WWOX: variants seen among roughly 807,000 people sequenced by gnomAD.
WWOX encodes the protein WW domain-containing oxidoreductase.
Under a neutral mutation model 46.2 loss-of-function variants are expected in WWOX, and 69 were observed. That is an observed-to-expected ratio of 1.49 (90% CI 1.23 to 1.82). The LOEUF (loss-of-function observed/expected upper bound fraction) is 1.82. Ranked by LOEUF, WWOX falls within the 40% of genes most tolerant of loss-of-function variation. WWOX has a pLI of 0.00. For synonymous variants in WWOX, 359 were observed against 202.6 expected (o/e 1.77, Z -6.56); for missense variants, 919 against 542.6 (o/e 1.69, Z -6.89).
chr16:78,488,550 T>A (rs1304428540), intron 8 of WWOX, among the ~76,000 whole-genome samples: 13 of 152,136 alleles, frequency 8.5e-5, no homozygotes, highest in Non-Finnish European at 1.5e-5. Flanking sequence ...ACTGACTGCT[T>A]TTTGGCCCTA....
chr16:78,939,057 C>T (rs1035298659), intron 8 of WWOX, among the ~76,000 whole-genome samples: 1 of 152,204 alleles, frequency 6.6e-6, no homozygotes, highest in African/African-American at 2.4e-5. Flanking sequence ...AATGGAATTT[C>T]TAAATGGAGT....
intron 8 of WWOX, among the ~76,000 whole-genome samples, chr16:78,562,659 G>C (rs1430740771): frequency 6.6e-6 from 1 of 152,138 alleles, no homozygotes; most frequent in Non-Finnish European, 1.5e-5. Context: ...GCTCACACTC[G>C]GTCAATACTT....
chr16:78,182,306 A>C (rs2035555369), intron 5 of WWOX, among the ~76,000 whole-genome samples: 2 of 152,118 alleles, frequency 1.3e-5, no homozygotes, highest in African/African-American at 4.8e-5. Flanking sequence ...GGCAAAGAAA[A>C]GAAAAGAAAT....
At chr16:78,394,162 T>G (rs2082237741) in intron 6 of WWOX, among the ~76,000 whole-genome samples, 2 of 152,176 alleles carry the variant, frequency 1.3e-5, no homozygotes, top group South Asian at 4.1e-4. Context: ...GTTTTAAGAA[T>G]AATGTTTTAG....
chr16:78,438,215 C>A (rs180671284), intron 8 of WWOX, among the ~76,000 whole-genome samples: 1 of 152,252 alleles, frequency 6.6e-6, no homozygotes, highest in East Asian at 1.9e-4. Context: ...ATTCCAAGTT[C>A]TACAATCTTA....
intron 8 of WWOX, among the ~76,000 whole-genome samples, chr16:78,920,879 C>G (rs1056939493): frequency 6.6e-6 from 1 of 152,174 alleles, no homozygotes. Context: ...GCTCGATGAG[C>G]AAATGATTCC....
intron 8 of WWOX, chr16:79,077,877 C>T (rs1232255746): frequency 6.6e-6 from 1 of 152,164 alleles, no homozygotes; most frequent in Non-Finnish European, 1.5e-5. Context: ...CATCGTTCTT[C>T]TTACTCAACT....
intron 8 of WWOX, among the ~76,000 whole-genome samples, chr16:79,091,779 GTT>G (rs11329411): frequency 2.3e-4 from 25 of 109,136 alleles, no homozygotes; most frequent in South Asian, 3.3e-4. Flanking sequence ...TCTTTTCTTT[GTT>G]TTTTTTTTTT....
intron 5 of WWOX, among the ~76,000 whole-genome samples, chr16:78,175,983 C>A (rs537599861): frequency 2.0e-5 from 3 of 152,126 alleles, no homozygotes; most frequent in Non-Finnish European, 4.4e-5. Flanking sequence ...TGTTTGACCT[C>A]TCTCCAACAC....
chr16:78,432,407 T>G (rs990907325), intron 7 of WWOX, 81 bp from the exon 8 acceptor site: 14 of 1,572,782 alleles, frequency 8.9e-6, no homozygotes, highest in Admixed American at 1.7e-5. Flanking sequence ...CACCCAGCAT[T>G]CCTTAGATTT....
intron 8 of WWOX, among the ~76,000 whole-genome samples, chr16:79,187,605 C>T (rs552528082): frequency 3.9e-5 from 6 of 152,334 alleles, no homozygotes; most frequent in African/African-American, 1.4e-4. Context: ...CAGGGTTTCA[C>T]CATGTTGGCC....
Position 79,098,419 on chromosome 16 carries a change from C to A in WWOX, c.1057-113189C>A, listed in dbSNP as rs74352435. ...AGCAGAAGAAAGCCCATTAACTAAC[C>A]CCTCAGGGGTCACCATGGGCAAAGG... On this transcript the variant is annotated intron_variant, in intron 8 of 8. Transcript: ENST00000566780. 2.2e-4 allele frequency among the ~76,000 whole-genome samples: 34 copies of A among 152,290 alleles called. No homozygotes were observed. The East Asian group carries it at 6.6e-3, about 29-fold the overall frequency.
chr16:78,634,846 G>GTA (rs2046529098), intron 8 of WWOX, among the ~76,000 whole-genome samples: 2 of 85,034 alleles, frequency 2.4e-5, no homozygotes, highest in African/African-American at 7.8e-5. Context: ...GAGTGTGTGT[G>GTA]TGTGTGTGTG....
chr16:78,448,915 T>G (rs1414322102), intron 8 of WWOX, among the ~76,000 whole-genome samples: 2 of 152,214 alleles, frequency 1.3e-5, no homozygotes, highest in African/African-American at 4.8e-5. Flanking sequence ...GAGGTCTTTT[T>G]GAAGTCCTTG....
rs569964733 is a variant in WWOX, at chr16:78,231,711, C to T, written c.516+67422C>T. ...ATCAATTGCCTCTCTCCTGGAATTG[C>T]CATTGGCTGAGTGGAACAAAATACG... On this transcript the variant is annotated intron_variant, in intron 5 of 8. Coordinates refer to ENST00000566780, the MANE Select transcript of WWOX (RefSeq NM_016373.4). 2.6e-5 allele frequency among the ~76,000 whole-genome samples: 4 copies of T among 152,262 alleles called. No homozygotes were observed. In the East Asian group the frequency reaches 7.7e-4, roughly 29 times the overall value.
intron 8 of WWOX, among the ~76,000 whole-genome samples, chr16:79,148,621 G>A (rs527330418): frequency 2.0e-5 from 3 of 152,040 alleles, no homozygotes; most frequent in Non-Finnish European, 4.4e-5. Context: ...GTTTTAATGG[G>A]GTTTAAATCT....
intron 8 of WWOX, among the ~76,000 whole-genome samples, chr16:78,707,339 A>G (rs76665046): frequency 0.013 from 1,964 of 152,324 alleles, 18 homozygotes; most frequent in South Asian, 0.036. Flanking sequence ...AAATATAGGG[A>G]AAGAAGTGTG....
chr16:78,553,463 C>T (rs1408784984), intron 8 of WWOX, among the ~76,000 whole-genome samples: 3 of 151,846 alleles, frequency 2.0e-5, no homozygotes, highest in South Asian at 4.2e-4. Context: ...GCCTGGAGTT[C>T]GAGCCCAATA....
At chr16:78,788,233 T>C (rs2050504178) in intron 8 of WWOX, among the ~76,000 whole-genome samples, 1 of 152,236 alleles carries the variant, frequency 6.6e-6, no homozygotes, top group Admixed American at 6.5e-5. Flanking sequence ...TCCAAGGACA[T>C]AAACATTTAC....
Sources: gnomAD v4.1 joint callset for allele counts (sites outside exome capture counted in the v4.1 genomes callset) on GRCh38, gnomAD v4.1.1 for gene constraint, MANE v1.5 for transcripts, NCBI Gene and HGNC (gene_info 2026-07-23, HGNC 2026-07-21) for gene names.